Variants in UNC80 observed in about 807,000 individuals in gnomAD.
The protein encoded by UNC80 is protein unc-80 homolog.
Under a neutral mutation model 384.6 loss-of-function variants are expected in UNC80, and 164 were observed. The observed-to-expected ratio is 0.43, with a 90% confidence interval of 0.38 to 0.49. UNC80 has a LOEUF of 0.49. UNC80 is among the 20% of genes least tolerant of loss of function. UNC80 has a pLI of 0.00. For synonymous variants in UNC80, 1,486 were observed against 1,527.8 expected, an observed-to-expected ratio of 0.97 and a Z score of 0.64; for missense variants, 3,330 against 4,143.0, an observed-to-expected ratio of 0.80 and a Z score of 5.39.
intron 26 of UNC80, among the ~76,000 whole-genome samples, chr2:209,892,393 C>A (rs1451504866): frequency 6.6e-6 from 1 of 152,176 alleles, no homozygotes; most frequent in Non-Finnish European, 1.5e-5. Context: ...CAGTGCTGCA[C>A]AATCTCAACT....
chr2:209,972,234 A>G lies in UNC80; in HGVS notation c.8290A>G (p.Ile2764Val). Residue 2764 changes from isoleucine to valine, a missense_variant, in exon 55 of 65, where the codon ATC (isoleucine) becomes GTC (valine). Around this residue, in one of 8 missense-constraint regions of UNC80, gnomAD observed 1,049 missense variants for 1,488.6 expected, o/e 0.70. Transcript: ENST00000673920. ...LKEDFPLSHV[I>V]SPFTNQERRE... ...AGAAGATTTTCCTTTAAGCCATGTG[A>G]TCTCCCCATTCACCAATCAAGAGCG... The G allele has an allele frequency of 6.4e-7, 1 of 1,551,534 alleles. No homozygotes were observed. Among genetic ancestry groups the G allele is most frequent in the Non-Finnish European group, 8.7e-7 (1 of 1,146,856 alleles).
chr2:209,972,360 T>A, intron 55 of UNC80, 36 bp downstream of exon 55: 1 of 1,546,350 alleles, frequency 6.5e-7, no homozygotes, highest in Non-Finnish European at 8.7e-7. Context: ...TTTATCATTG[T>A]TGTTGTGTTC....
At chr2:209,793,623 C>T in intron 6 of UNC80, 97 bp from the exon 7 acceptor site, 1 of 1,442,668 alleles carries the variant, frequency 6.9e-7, no homozygotes, top group Non-Finnish European at 9.3e-7. Context: ...TATATGGAAC[C>T]ATGTTGTAAT....
chr2:209,808,724 A>G (rs1269882420), intron 7 of UNC80: 1 of 92,584 alleles, frequency 1.1e-5, no homozygotes. Flanking sequence ...GGCTGCACTC[A>G]TTGCTCCAAG....
chr2:209,947,134 T>A (rs2091950521), intron 47 of UNC80, among the ~76,000 whole-genome samples: 1 of 152,130 alleles, frequency 6.6e-6, no homozygotes, highest in Non-Finnish European at 1.5e-5. Flanking sequence ...TTTCTTGCTG[T>A]TCCTATAATA....
At chr2:209,844,532 C>CTTCT (rs2082034900) in intron 21 of UNC80, among the ~76,000 whole-genome samples, 1 of 121,312 alleles carries the variant, frequency 8.2e-6, no homozygotes, top group Non-Finnish European at 1.7e-5. Flanking sequence ...TCCTTCCTTC[C>CTTCT]TTCCTTCCTT....
intron 22 of UNC80, among the ~76,000 whole-genome samples, chr2:209,866,496 A>ACG (rs1381242424): frequency 8.9e-4 from 105 of 117,598 alleles, no homozygotes; most frequent in Non-Finnish European, 1.4e-3. Flanking sequence ...ACCCCCACAC[A>ACG]CACACACACA....
At chr2:209,892,244 T>A (rs985794136) in intron 26 of UNC80, among the ~76,000 whole-genome samples, 5 of 152,156 alleles carry the variant, frequency 3.3e-5, no homozygotes, top group Non-Finnish European at 5.9e-5. Context: ...TATGATATTT[T>A]GAAATGTACA....
Position 209,773,135 on chromosome 2 carries a change from C to T in UNC80, c.134C>T (p.Ser45Phe). ...RPKLGKQYEASCVSFERVLVE... is the reference protein window; with the variant it reads ...RPKLGKQYEAFCVSFERVLVE... ...AAACTGGGGAAGCAATATGAAGCTT[C>T]TTGTGTGGTATGTGATTTTCACCAT... is the stretch of plus-strand genomic sequence containing the variant. Residue 45 changes from serine to phenylalanine, a missense_variant, in exon 2 of 65, where the codon TCT (serine) becomes TTT (phenylalanine). Transcript: ENST00000673920. 6.2e-7 allele frequency: 1 copy of T among 1,613,336 alleles called. No homozygotes were observed. Among genetic ancestry groups the T allele is most frequent in the Non-Finnish European group, 8.5e-7 (1 of 1,179,484 alleles).
chr2:209,867,765 C>T (rs953430458), intron 22 of UNC80, among the ~76,000 whole-genome samples: 4 of 152,228 alleles, frequency 2.6e-5, no homozygotes, highest in Non-Finnish European at 5.9e-5. Context: ...TATCCCTACC[C>T]CCACCCTCAG....
chr2:209,832,171 A>T (rs2081020762), intron 16 of UNC80, among the ~76,000 whole-genome samples: 1 of 152,058 alleles, frequency 6.6e-6, no homozygotes, highest in African/African-American at 2.4e-5. Context: ...GGTGGAAAGG[A>T]GTTGAGGGAT....
intron 60 of UNC80, chr2:209,982,558 A>G (rs530424941): frequency 1.0e-4 from 38 of 372,290 alleles, no homozygotes; most frequent in African/African-American, 6.6e-4. Context: ...AAAATTTTCC[A>G]TAGACACATG....
intron 47 of UNC80, 110 bp from the exon 48 acceptor site, chr2:209,953,990 A>T: frequency 8.0e-7 from 1 of 1,251,552 alleles, no homozygotes. Context: ...AAGGGGCCTT[A>T]GAATTCATAT....
intron 7 of UNC80, among the ~76,000 whole-genome samples, chr2:209,804,753 TTTTTTTTTTGTTTTGTTTTG>T (rs2078781729): frequency 9.3e-6 from 1 of 107,890 alleles, no homozygotes; most frequent in Admixed American, 8.5e-5. Context: ...ATTTAGAGAG[TTTTTTTTTTGTTTTGTTTTG>T]TTTTTTTTTT....
At chr2:209,876,868 C>T (rs16843893) in intron 23 of UNC80, among the ~76,000 whole-genome samples, 26,920 of 152,042 alleles carry the variant, frequency 0.18, 3,346 homozygotes, top group African/African-American at 0.35. Context: ...GGAGACCTTT[C>T]GGTTTCCAGA....
chr2:209,779,219 C>T (rs1312883532), intron 4 of UNC80, among the ~76,000 whole-genome samples: 1 of 152,124 alleles, frequency 6.6e-6, no homozygotes, highest in African/African-American at 2.4e-5. Flanking sequence ...TCCTGGGCCT[C>T]ATCTCCCTCT....
chr2:209,816,671 A>G (rs150159646), intron 9 of UNC80, among the ~76,000 whole-genome samples: 1 of 152,320 alleles, frequency 6.6e-6, no homozygotes, highest in Non-Finnish European at 1.5e-5. Context: ...TTTGCAAACC[A>G]CTAGTCTAAC....
At chr2:209,810,337 T>G (rs1215242162) in intron 7 of UNC80, among the ~76,000 whole-genome samples, 1 of 152,246 alleles carries the variant, frequency 6.6e-6, no homozygotes, top group African/African-American at 2.4e-5. Flanking sequence ...ACATTGGTAC[T>G]TATATTTCAT....
intron 12 of UNC80, among the ~76,000 whole-genome samples, chr2:209,819,873 A>G (rs1205546668): frequency 6.6e-6 from 1 of 152,248 alleles, no homozygotes; most frequent in Non-Finnish European, 1.5e-5. Context: ...ATGAATAATG[A>G]TACAGTCATG....
Sources: allele counts gnomAD v4.1 joint callset (sites outside exome capture counted in the v4.1 genomes callset), GRCh38; gene constraint gnomAD v4.1.1; regional missense constraint gnomAD v4.1.1; transcripts MANE v1.5; gene names NCBI Gene and HGNC (gene_info 2026-07-23, HGNC 2026-07-21).